Variants in TENM4 observed in about 807,000 individuals in gnomAD.
TENM4 encodes teneurin-4.
Under a neutral mutation model 243.3 loss-of-function variants are expected in TENM4, and 82 were observed. The observed-to-expected ratio is 0.34, with a 90% CI of 0.28 to 0.40. TENM4 has a LOEUF of 0.40. Ranked by LOEUF, TENM4 falls within the 10% of genes least tolerant of loss-of-function variation. The probability of loss-of-function intolerance (pLI) is 1.00; values close to 1 mark genes in which losing one functional copy is unlikely to be tolerated. For missense variants in TENM4, 3,138 were observed against 3,673.3 expected (o/e 0.85, Z 3.77); for synonymous variants, 1,412 against 1,456.3 (o/e 0.97, Z 0.69).
At chr11:79,416,285 G>C (rs12275848) in intron 1 of TENM4, among the ~76,000 whole-genome samples, 26,548 of 152,166 alleles carry the variant, frequency 0.17, 2,473 homozygotes, top group Middle Eastern at 0.2. Flanking sequence ...TCACAAGGTA[G>C]GTATGTATTT....
At chr11:78,968,914 A>G (rs957034626) in intron 6 of TENM4, among the ~76,000 whole-genome samples, 2 of 152,218 alleles carry the variant, frequency 1.3e-5, no homozygotes, top group African/African-American at 4.8e-5. Context: ...CAGAAAGACC[A>G]TGAACTTCCT....
At chr11:79,064,394 C>A (rs1317657141) in intron 6 of TENM4, among the ~76,000 whole-genome samples, 1 of 152,174 alleles carries the variant, frequency 6.6e-6, no homozygotes, top group Non-Finnish European at 1.5e-5. Context: ...CAGGCAGGAC[C>A]AGGCCTTGCT....
chr11:79,157,449 G>A (rs1381832176), intron 3 of TENM4, among the ~76,000 whole-genome samples: 3 of 152,148 alleles, frequency 2.0e-5, no homozygotes, highest in East Asian at 1.9e-4. Flanking sequence ...TGCACTCAGC[G>A]AATGTGTGCC....
intron 3 of TENM4, among the ~76,000 whole-genome samples, chr11:79,166,737 G>A (rs1862923694): frequency 6.6e-6 from 1 of 152,190 alleles, no homozygotes; most frequent in African/African-American, 2.4e-5. Flanking sequence ...TGCCCAGAAT[G>A]GGTGAAGAGG....
In TENM4 at chr11:79,004,960, AAC is replaced by A. The variant is rs1179890450; in HGVS notation, c.493+59776_493+59777del. 2.2e-3 allele frequency among the ~76,000 whole-genome samples: 298 copies of A among 134,054 alleles called. 2 individuals carry two copies. The highest frequency in any genetic ancestry group is 0.017 in the South Asian group (63 of 3,810). The allele number at this position is 134,054 out of a possible 152,430, so 87.9% of individuals were successfully genotyped here. On this transcript the variant is annotated intron_variant, in intron 6 of 33. Transcript: ENST00000278550. ...AAATACCAAAAAAAAAAAAAAAAAA[AAC>A]AACTCTGACTACTATGAATACCTCT... is the stretch of plus-strand genomic sequence containing the variant.
At position 79,080,989 on chromosome 11, in the gene TENM4, CT is replaced by C. The variant is rs765041441; in HGVS notation, c.-65-10981del. Among the ~76,000 whole-genome samples, 174 of 152,310 alleles carry C rather than the reference CT, an allele frequency of 1.1e-3. 2 individuals carry two copies. The highest frequency in any genetic ancestry group is 1.6e-3 in the Non-Finnish European group (111 of 68,022). On this transcript the variant is annotated intron_variant, in intron 4 of 33. Transcript: ENST00000278550. ...GCGTCCAATCTTAACCTGTAATTAC[CT>C]GGGTGCCCTATTAGGCCTCCACTCT... is the stretch of plus-strand genomic sequence containing the variant.
intron 3 of TENM4, among the ~76,000 whole-genome samples, chr11:79,184,109 T>A (rs1012687282): frequency 1.3e-5 from 2 of 152,160 alleles, no homozygotes; most frequent in Non-Finnish European, 2.9e-5. Context: ...AATCCTCGAG[T>A]CCATGGTCAG....
chr11:78,844,809 T>G (rs961143013), intron 12 of TENM4, among the ~76,000 whole-genome samples: 1 of 152,184 alleles, frequency 6.6e-6, no homozygotes, highest in Non-Finnish European at 1.5e-5. Flanking sequence ...GGATGTGCAG[T>G]GTTCAGAACT....
intron 4 of TENM4, among the ~76,000 whole-genome samples, chr11:79,107,077 T>A (rs1275940065): frequency 6.6e-6 from 1 of 152,090 alleles, no homozygotes; most frequent in African/African-American, 2.4e-5. Flanking sequence ...CTTTCTATCA[T>A]CCCCATTTTA....
intron 2 of TENM4, among the ~76,000 whole-genome samples, chr11:79,273,355 C>G (rs1260039010): frequency 3.3e-5 from 5 of 152,180 alleles, no homozygotes; most frequent in Admixed American, 2.0e-4. Flanking sequence ...TCGTCTTTCT[C>G]CCTGGAGAGT....
intron 4 of TENM4, among the ~76,000 whole-genome samples, chr11:79,103,256 C>G (rs1405129889): frequency 6.6e-6 from 1 of 152,208 alleles, no homozygotes; most frequent in Non-Finnish European, 1.5e-5. Flanking sequence ...GGACTCCCCC[C>G]TCCCCTGGGA....
intron 1 of TENM4, among the ~76,000 whole-genome samples, chr11:79,404,225 A>G (rs1313653556): frequency 6.6e-6 from 1 of 152,262 alleles, no homozygotes; most frequent in Non-Finnish European, 1.5e-5. Flanking sequence ...GAATTCACAC[A>G]GACATTTTGG....
intron 3 of TENM4, among the ~76,000 whole-genome samples, chr11:79,201,731 CA>C (rs1863742283): frequency 6.6e-6 from 1 of 152,064 alleles, no homozygotes; most frequent in African/African-American, 2.4e-5. Flanking sequence ...AGGGGTGGGG[CA>C]AGTGGCTGAA....
rs566160877 is a variant in TENM4, at chr11:79,075,088, G to A, written c.-65-5079C>T. On this transcript the variant is annotated intron_variant, in intron 4 of 33. Transcript: ENST00000278550. ...CTGTTGGCTTTCAGCAATCATCATC[G>A]TCATTGAACTAATAATAACACCAGC... is the stretch of plus-strand genomic sequence containing the variant. Among the ~76,000 whole-genome samples the A allele has an allele frequency of 2.6e-5, 4 of 152,302 alleles. No individual in the cohort carries two copies. The South Asian group carries it at 6.2e-4, about 24-fold the overall frequency.
At chr11:79,138,629 A>G (rs1862173570) in intron 4 of TENM4, among the ~76,000 whole-genome samples, 3 of 105,886 alleles carry the variant, frequency 2.8e-5, no homozygotes, top group Admixed American at 2.6e-4. Context: ...TAAAACATAT[A>G]TTATATTTAT....
intron 6 of TENM4, among the ~76,000 whole-genome samples, chr11:78,954,385 G>T (rs563499305): frequency 7.2e-5 from 11 of 152,352 alleles, no homozygotes; most frequent in African/African-American, 2.4e-4. Context: ...TGTACCCAAG[G>T]GATGTGATTT....
intron 12 of TENM4, among the ~76,000 whole-genome samples, chr11:78,822,819 G>A (rs1363564068): frequency 6.6e-6 from 1 of 152,184 alleles, no homozygotes; most frequent in African/African-American, 2.4e-5. Flanking sequence ...AATACAAACT[G>A]TAAGTTAAAA....
At chr11:79,031,612 G>A (rs1859239145) in intron 6 of TENM4, among the ~76,000 whole-genome samples, 1 of 152,166 alleles carries the variant, frequency 6.6e-6, no homozygotes, top group South Asian at 2.1e-4. Context: ...TAGTGAATGA[G>A]TACAGAATTG....
chr11:79,437,874 G>A (rs1454480552), intron 1 of TENM4, among the ~76,000 whole-genome samples: 1 of 152,160 alleles, frequency 6.6e-6, no homozygotes, highest in Non-Finnish European at 1.5e-5. Context: ...CTGGCAGCCG[G>A]GTTAAAGGCT....
Sources: gnomAD v4.1 joint callset for allele counts (sites outside exome capture counted in the v4.1 genomes callset) on GRCh38, gnomAD v4.1.1 for gene constraint, MANE v1.5 for transcripts, NCBI Gene and HGNC (gene_info 2026-07-23, HGNC 2026-07-21) for gene names.